The following UGT3A1 variants were observed in gnomAD, a reference collection of about 807,000 sequenced individuals.
The protein encoded by UGT3A1 is UDP glycosyltransferase family 3 member A1, also known as UDP-glycosyltransferase 3A1.
UGT3A1 carries 40 observed loss-of-function variants against 37.6 expected under a neutral mutation model. The observed-to-expected ratio is 1.06, with a 90% confidence interval of 0.83 to 1.38. The LOEUF (loss-of-function observed/expected upper bound fraction) is 1.38. UGT3A1 is among the 40% of genes most tolerant of loss of function. UGT3A1 has a pLI of 0.00. For synonymous variants in UGT3A1, 256 were observed against 232.3 expected, an observed-to-expected ratio of 1.10 and a Z score of -0.93; for missense variants, 642 against 634.2, an observed-to-expected ratio of 1.01 and a Z score of -0.13.
At chr5:35,974,053 A>G (rs1740158425) in intron 2 of UGT3A1, among the ~76,000 whole-genome samples, 1 of 152,176 alleles carries the variant, frequency 6.6e-6, no homozygotes, top group African/African-American at 2.4e-5. Flanking sequence ...CAGACAGTTT[A>G]TGGACACAGA....
chr5:35,962,946 C>A, intron 4 of UGT3A1: 1 of 702,820 alleles, frequency 1.4e-6, no homozygotes, highest in Non-Finnish European at 2.6e-6. Context: ...GAGCTGGTTG[C>A]CCATTCTGAA....
intron 6 of UGT3A1, chr5:35,954,723 A>T (rs895391759): frequency 5.3e-5 from 29 of 547,120 alleles, no homozygotes; most frequent in Non-Finnish European, 8.1e-5. Flanking sequence ...ACTGTAGGAA[A>T]GTGATTAAAT....
rs997010119 is a variant in UGT3A1, at chr5:35,962,632, T to C, written c.843+2754A>G. 18 of 472,104 alleles carry C rather than the reference T, an allele frequency of 3.8e-5. 1 individual carries two copies. In the Admixed American group the frequency reaches 5.8e-4, roughly 15 times the overall value. 29.2% of individuals were successfully genotyped at this position (472,104 alleles called of 1,614,324 possible). On this transcript the variant is annotated intron_variant, in intron 4 of 6. Transcript: ENST00000274278. ...AAGATCTAGATTTCCCTGCAAGGTA[T>C]AAAAAGCCTGCACATGTGGGGCCTC...
chr5:35,995,585 C>G (rs536355031), upstream of UGT3A1, among the ~76,000 whole-genome samples: 12 of 152,266 alleles, frequency 7.9e-5, no homozygotes, highest in African/African-American at 2.6e-4. Flanking sequence ...GAAGCTAAAG[C>G]TAAGGAATGG....
At chr5:35,955,902 T>C (rs748247008) in intron 5 of UGT3A1, 38 bp from the exon 6 acceptor site, 5 of 1,598,698 alleles carry the variant, frequency 3.1e-6, no homozygotes, top group East Asian at 4.5e-5. Flanking sequence ...CACTTCAGGA[T>C]GAAAAATTTT....
chr5:35,957,432 G>A lies in UGT3A1; in HGVS notation c.844-13C>T, dbSNP rs1413317764. The A allele has an allele frequency of 1.7e-5, 27 of 1,609,864 alleles. No individual in the cohort carries two copies. The highest frequency in any genetic ancestry group is 2.1e-5 in the Non-Finnish European group (25 of 1,177,716). ...AGTTGTCCAAGTCCTAGAGAGAGATGACAAAAGAAAGGAGGTGGCAAAATT... is the reference window on the plus strand; with the variant it reads ...AGTTGTCCAAGTCCTAGAGAGAGATAACAAAAGAAAGGAGGTGGCAAAATT... On this transcript the variant is annotated splice_polypyrimidine_tract_variant and intron_variant, in intron 4 of 6. Coordinates refer to ENST00000274278, the MANE Select transcript of UGT3A1 (RefSeq NM_152404.4).
intron 4 of UGT3A1, among the ~76,000 whole-genome samples, chr5:35,960,369 T>C (rs544763972): frequency 2.6e-5 from 4 of 152,202 alleles, no homozygotes; most frequent in African/African-American, 4.8e-5. Context: ...AGCCCGGAAA[T>C]AGACTTTTGC....
chr5:35,963,142 T>C (rs1739657741), intron 4 of UGT3A1, among the ~76,000 whole-genome samples: 1 of 152,158 alleles, frequency 6.6e-6, no homozygotes, highest in South Asian at 2.1e-4. Flanking sequence ...GGCTAGAGAA[T>C]AGGAATTATC....
chr5:35,972,494 CGTGTGTGTGTGTGTGT>C (rs4024103), intron 2 of UGT3A1, among the ~76,000 whole-genome samples: 3 of 141,338 alleles, frequency 2.1e-5, no homozygotes, highest in Non-Finnish European at 3.1e-5. Context: ...CCTTGAAATA[CGTGTGTGTGTGTGTGT>C]GTGTGTGTGT....
chr5:35,988,960 G>A (rs1470341574), intron 1 of UGT3A1, among the ~76,000 whole-genome samples: 1 of 152,306 alleles, frequency 6.6e-6, no homozygotes, highest in East Asian at 1.9e-4. Flanking sequence ...ACAGTAGTGT[G>A]TACATTAGTA....
intron 4 of UGT3A1, among the ~76,000 whole-genome samples, chr5:35,963,323 G>C (rs1339222921): frequency 6.6e-6 from 1 of 152,142 alleles, no homozygotes; most frequent in African/African-American, 2.4e-5. Flanking sequence ...CCTCAGATCG[G>C]GCAGATCGGG....
At chr5:35,958,927 A>G (rs535935103) in intron 4 of UGT3A1, among the ~76,000 whole-genome samples, 3 of 152,332 alleles carry the variant, frequency 2.0e-5, no homozygotes, top group Non-Finnish European at 4.4e-5. Context: ...AAGCTGACAG[A>G]AGTCATAGAA....
intron 2 of UGT3A1, among the ~76,000 whole-genome samples, chr5:35,974,608 A>G (rs1740187530): frequency 6.6e-6 from 1 of 152,230 alleles, no homozygotes; most frequent in Admixed American, 6.5e-5. Context: ...TAGATGTCAT[A>G]AACATAACCA....
At chr5:35,971,180 G>A (rs1740020290) in intron 2 of UGT3A1, among the ~76,000 whole-genome samples, 1 of 152,070 alleles carries the variant, frequency 6.6e-6, no homozygotes, top group African/African-American at 2.4e-5. Context: ...ACATTATAAT[G>A]AGGATGTCCT....
chr5:35,994,857 G>C (rs186684246), upstream of UGT3A1, among the ~76,000 whole-genome samples: 39 of 152,238 alleles, frequency 2.6e-4, no homozygotes, highest in Admixed American at 2.2e-3. Context: ...AGAAACTCCG[G>C]ATGGGTATTG....
chr5:35,984,982 A>T (rs1300403356), intron 2 of UGT3A1, among the ~76,000 whole-genome samples: 1 of 151,666 alleles, frequency 6.6e-6, no homozygotes, highest in African/African-American at 2.4e-5. Flanking sequence ...AAGAATTTAT[A>T]ATGTGTCTAA....
At chr5:35,974,854 C>T (rs1290185508) in intron 2 of UGT3A1, among the ~76,000 whole-genome samples, 1 of 152,206 alleles carries the variant, frequency 6.6e-6, no homozygotes, top group Non-Finnish European at 1.5e-5. Context: ...ATTTAGTCTG[C>T]ATGAAACTTA....
upstream of UGT3A1, among the ~76,000 whole-genome samples, chr5:35,993,236 C>T (rs186880004): frequency 5.3e-5 from 8 of 152,022 alleles, 1 homozygote; most frequent in South Asian, 1.0e-3. Flanking sequence ...GAGGCCAAGG[C>T]GGGTGGATCA....
chr5:35,991,248 T>C lies in UGT3A1; in HGVS notation c.-8A>G. ...CACCCGCTGCCCAACCATGCTCACT[T>C]CCACAGAAGCAGCGGATCTCAGCCT... On this transcript the variant is annotated 5_prime_UTR_variant, in exon 1 of 7. Transcript: ENST00000274278. 6.2e-7 allele frequency: 1 copy of C among 1,614,156 alleles called. No homozygotes were observed. The highest frequency in any genetic ancestry group is 1.1e-5 in the South Asian group (1 of 91,078).
Sources: allele counts gnomAD v4.1 joint callset (sites outside exome capture counted in the v4.1 genomes callset), GRCh38; gene constraint gnomAD v4.1.1; transcripts MANE v1.5; gene names NCBI Gene and HGNC (gene_info 2026-07-23, HGNC 2026-07-21).